ZBTB20: variants seen among roughly 807,000 people sequenced by gnomAD.
The protein encoded by ZBTB20 is zinc finger and BTB domain containing 20.
ZBTB20 carries 9 observed loss-of-function variants against 56.9 expected under a neutral mutation model. The observed-to-expected ratio is 0.16, with a 90% CI of 0.10 to 0.28. The LOEUF is 0.28. ZBTB20 is among the 10% of genes least tolerant of loss of function. ZBTB20 has a pLI of 1.00. For missense variants in ZBTB20, 655 were observed against 1,003.0 expected (o/e 0.65, Z 4.69); for synonymous variants, 417 against 420.7 (o/e 0.99, Z 0.11).
chr3:114,997,374 T>G (rs1417173723), intron 2 of ZBTB20, among the ~76,000 whole-genome samples: 1 of 151,788 alleles, frequency 6.6e-6, no homozygotes, highest in Non-Finnish European at 1.5e-5. Flanking sequence ...ATTCTTGAAA[T>G]GTGTGAAATT....
intron 4 of ZBTB20, among the ~76,000 whole-genome samples, chr3:114,804,766 G>A (rs1382483254): frequency 6.6e-6 from 1 of 151,716 alleles, no homozygotes; most frequent in Non-Finnish European, 1.5e-5. Context: ...TTCCACCAGA[G>A]CATCTGAAAG....
At chr3:114,612,872 G>A (rs1354484404) in intron 6 of ZBTB20, among the ~76,000 whole-genome samples, 2 of 152,116 alleles carry the variant, frequency 1.3e-5, no homozygotes, top group Admixed American at 6.6e-5. Context: ...TTTTAATGCT[G>A]ATTTTTGTAG....
chr3:115,132,534 T>C lies in ZBTB20; in HGVS notation c.-703+14685A>G, dbSNP rs576890193. Among the ~76,000 whole-genome samples the C allele has an allele frequency of 1.6e-4, 25 of 152,344 alleles. No homozygotes were observed. The South Asian group carries it at 4.6e-3, about 28-fold the overall frequency. On this transcript the variant is annotated intron_variant, in intron 1 of 11. Coordinates refer to ENST00000675478, the MANE Select transcript of ZBTB20 (RefSeq NM_001348800.3). ...TACCAACTGTATATGATAAAGCCTCTAAAATAATGTTAAATAATTGTGATG... is the reference window on the plus strand; with the variant it reads ...TACCAACTGTATATGATAAAGCCTCCAAAATAATGTTAAATAATTGTGATG...
intron 6 of ZBTB20, among the ~76,000 whole-genome samples, chr3:114,584,243 T>C (rs1008195149): frequency 6.6e-6 from 1 of 152,228 alleles, no homozygotes; most frequent in Admixed American, 6.5e-5. Context: ...TTTGCCATTA[T>C]CTATCCCCTA....
chr3:114,904,478 A>C lies in ZBTB20; in HGVS notation c.-455-4136T>G, dbSNP rs140158374. On this transcript the variant is annotated intron_variant, in intron 3 of 11. Transcript: ENST00000675478. ...TTTTGAGAGAAGACTATGTAATTCA[A>C]AATAATTTTATTTTATTTAATATGT... 4.6e-5 allele frequency: 7 copies of C among 152,162 alleles called. No homozygotes were observed. In the East Asian group the frequency reaches 1.4e-3, roughly 29 times the overall value. The allele number at this position is 152,162 out of a possible 1,614,324, so 9.4% of individuals were successfully genotyped here. A position where few individuals can be genotyped will look rare whatever the true frequency, so the allele number is the denominator to read the frequency against.
intron 6 of ZBTB20, among the ~76,000 whole-genome samples, chr3:114,642,587 C>G (rs1227441463): frequency 6.6e-6 from 1 of 151,962 alleles, no homozygotes; most frequent in Non-Finnish European, 1.5e-5. Context: ...GAGCACTTTT[C>G]CCGACTGCCG....
chr3:114,649,167 A>G (rs1560083696), intron 6 of ZBTB20, among the ~76,000 whole-genome samples: 1 of 151,994 alleles, frequency 6.6e-6, no homozygotes, highest in Non-Finnish European at 1.5e-5. Context: ...ACTATAAACT[A>G]TATTAGAAAT....
chr3:114,379,474 T>G (rs2084057029), intron 10 of ZBTB20, among the ~76,000 whole-genome samples: 1 of 152,270 alleles, frequency 6.6e-6, no homozygotes, highest in African/African-American at 2.4e-5. Flanking sequence ...ACGTGATTTA[T>G]CAACTTGCTT....
At chr3:114,837,165 G>C (rs1355000620) in intron 4 of ZBTB20, among the ~76,000 whole-genome samples, 1 of 152,102 alleles carries the variant, frequency 6.6e-6, no homozygotes, top group Non-Finnish European at 1.5e-5. Flanking sequence ...TCCTTGTGTG[G>C]CCAAGATAGC....
At position 114,879,487 on chromosome 3, in the gene ZBTB20, C is replaced by T. The variant is rs990266817; in HGVS notation, c.-417+20817G>A. On this transcript the variant is annotated intron_variant, in intron 4 of 11. Coordinates refer to ENST00000675478, the MANE Select transcript of ZBTB20 (RefSeq NM_001348800.3). ...AGTAGTCAGGAAGTTGTTGATCCTC[C>T]GAAAACCACGGCTTAGTTCTAAAAA... Among the ~76,000 whole-genome samples the T allele has an allele frequency of 4.6e-5, 7 of 152,064 alleles. No homozygotes were observed. In the East Asian group the frequency reaches 5.8e-4, roughly 13 times the overall value.
At chr3:114,873,687 G>T (rs1269185402) in intron 4 of ZBTB20, among the ~76,000 whole-genome samples, 3 of 152,074 alleles carry the variant, frequency 2.0e-5, no homozygotes, top group Non-Finnish European at 4.4e-5. Context: ...GTTTTGGGGG[G>T]TGGGGAACAC....
chr3:115,099,401 G>GA (rs938746732), intron 1 of ZBTB20, among the ~76,000 whole-genome samples: 84 of 152,230 alleles, frequency 5.5e-4, no homozygotes, highest in African/African-American at 1.9e-3. Context: ...TGCTTGTTAA[G>GA]AAAGTTCGCA....
chr3:115,002,079 A>T (rs1364661747), intron 2 of ZBTB20, among the ~76,000 whole-genome samples: 1 of 151,518 alleles, frequency 6.6e-6, no homozygotes, highest in Non-Finnish European at 1.5e-5. Flanking sequence ...CCAGAAATTG[A>T]CCCACATAAG....
chr3:114,831,328 G>C (rs2073833379), intron 4 of ZBTB20, among the ~76,000 whole-genome samples: 1 of 151,590 alleles, frequency 6.6e-6, no homozygotes, highest in Admixed American at 6.6e-5. Flanking sequence ...TTCAAATCCA[G>C]GCTTTACCAA....
intron 6 of ZBTB20, among the ~76,000 whole-genome samples, chr3:114,521,355 G>A (rs942415076): frequency 6.6e-5 from 10 of 152,070 alleles, no homozygotes; most frequent in African/African-American, 2.4e-4. Context: ...GAAATTTTAC[G>A]TCTATACCCT....
rs368892868 is a variant in ZBTB20, at chr3:114,617,291, C to A, written c.-295+76237G>T. On this transcript the variant is annotated intron_variant, in intron 6 of 11. Coordinates refer to ENST00000675478, the MANE Select transcript of ZBTB20 (RefSeq NM_001348800.3). ...CTACTACACATAAGTGATAGTGTTC[C>A]CCAGCTCTGCCATGCTATTTCTAGT... 1.1e-3 allele frequency among the ~76,000 whole-genome samples: 161 copies of A among 152,266 alleles called. 2 individuals are homozygous for A. The South Asian group carries it at 0.022, about 21-fold the overall frequency.
chr3:114,595,705 T>C (rs1426343477), intron 6 of ZBTB20, among the ~76,000 whole-genome samples: 1 of 152,190 alleles, frequency 6.6e-6, no homozygotes, highest in Non-Finnish European at 1.5e-5. Flanking sequence ...TTATCCTAGG[T>C]TGGACACAGA....
chr3:114,409,896 T>C (rs777219653), intron 7 of ZBTB20, among the ~76,000 whole-genome samples: 1 of 152,022 alleles, frequency 6.6e-6, no homozygotes, highest in Non-Finnish European at 1.5e-5. Flanking sequence ...AGAAAGAAAA[T>C]AGGACTTTTA....
At chr3:114,751,715 A>G (rs976627814) in intron 5 of ZBTB20, among the ~76,000 whole-genome samples, 1 of 152,170 alleles carries the variant, frequency 6.6e-6, no homozygotes, top group Non-Finnish European at 1.5e-5. Context: ...AATTGTTGCA[A>G]CAAAATATGT....
Sources: allele counts gnomAD v4.1 joint callset (sites outside exome capture counted in the v4.1 genomes callset), GRCh38; gene constraint gnomAD v4.1.1; transcripts MANE v1.5; gene names NCBI Gene and HGNC (gene_info 2026-07-23, HGNC 2026-07-21).